Variants in NEMF observed in about 807,000 individuals in gnomAD.
NEMF encodes the protein nuclear export mediator factor, also known as ribosome quality control complex subunit NEMF.
A neutral mutation model predicts 162.2 loss-of-function variants in NEMF; 89 were observed. That is an observed-to-expected ratio of 0.55 (90% confidence interval 0.46 to 0.65). NEMF has a LOEUF of 0.65. NEMF is among the 30% of genes least tolerant of loss of function. NEMF has a pLI of 0.00. For synonymous variants in NEMF, 421 were observed against 404.5 expected (o/e 1.04, Z -0.49); for missense variants, 1,133 against 1,261.9 (o/e 0.90, Z 1.55).
At chr14:49,812,579 A>G (rs559056997) in intron 18 of NEMF, among the ~76,000 whole-genome samples, 1 of 152,236 alleles carries the variant, frequency 6.6e-6, no homozygotes, top group Non-Finnish European at 1.5e-5. Context: ...TGCATCTCAT[A>G]AGTTTTGACA....
At chr14:49,796,169 A>G in intron 25 of NEMF, 1 of 576,534 alleles carries the variant, frequency 1.7e-6, no homozygotes, top group Non-Finnish European at 3.2e-6. Context: ...TCCATCATCC[A>G]AGCTCAACAT....
At chr14:49,814,520 T>C (rs115531541) in intron 17 of NEMF, among the ~76,000 whole-genome samples, 399 of 152,364 alleles carry the variant, frequency 2.6e-3, no homozygotes, top group African/African-American at 9.0e-3. Context: ...TAATGTAATG[T>C]ACTGAAAGTC....
Position 49,782,278 on chromosome 14 carries a change from C to G in NEMF, c.*2358G>C, listed in dbSNP as rs1889941209. On this transcript the variant is annotated 3_prime_UTR_variant, in exon 33 of 33. Transcript: ENST00000298310. ...GTTTTGGTCTGAACTACCTTAAGAT[C>G]GCTAGTCTTTATTTCATAGCTCTAT... 5 of 769,258 alleles carry G rather than the reference C, an allele frequency of 6.5e-6. No homozygotes were observed. Among genetic ancestry groups the G allele is most frequent in the South Asian group, 3.7e-5 (2 of 54,278 alleles). 47.7% of individuals were successfully genotyped at this position (769,258 alleles called of 1,614,324 possible). A position where few individuals can be genotyped will look rare whatever the true frequency, so the allele number is the denominator to read the frequency against.
Position 49,783,098 on chromosome 14 carries a change from A to AT in NEMF, c.*1537dup. 3.0e-6 allele frequency: 2 copies of AT among 663,330 alleles called. No homozygotes were observed. Among genetic ancestry groups the AT allele is most frequent in the South Asian group, 3.0e-5 (1 of 33,320 alleles). The allele number at this position is 663,330 out of a possible 1,614,324, so 41.1% of individuals were successfully genotyped here. On this transcript the variant is annotated 3_prime_UTR_variant, in exon 33 of 33. Coordinates refer to ENST00000298310, the MANE Select transcript of NEMF (RefSeq NM_004713.6). Reference sequence around the variant, plus strand: ...TGCATGTGAATGGCCTAGAGAACCTATTTTTGTGTCTAAAGTTTACAATAA... The same window carrying AT: ...TGCATGTGAATGGCCTAGAGAACCTATTTTTTGTGTCTAAAGTTTACAATAA...
chr14:49,803,370 TAAAGTC>T, intron 19 of NEMF, 76 bp from the exon 20 acceptor site: 1 of 1,043,232 alleles, frequency 9.6e-7, no homozygotes, highest in Non-Finnish European at 1.4e-6. Context: ...GAGGAGAAAG[TAAAGTC>T]AGAGTCAAGT....
chr14:49,819,290 C>T (rs930571657), intron 16 of NEMF, among the ~76,000 whole-genome samples: 1 of 151,956 alleles, frequency 6.6e-6, no homozygotes, highest in Non-Finnish European at 1.5e-5. Flanking sequence ...TCTTACCAGA[C>T]ACACAAAAAA....
chr14:49,845,752 A>G lies in NEMF; in HGVS notation c.357+388T>C, dbSNP rs181083399. On this transcript the variant is annotated intron_variant, in intron 4 of 32. Coordinates refer to ENST00000298310, the MANE Select transcript of NEMF (RefSeq NM_004713.6). The stretch of plus-strand genomic sequence containing the variant: ...GTAAGAATTTATTAGATCCATTACA[A>G]TGTTACAGGACCAACGTTTATATGC... 4.6e-3 allele frequency among the ~76,000 whole-genome samples: 700 copies of G among 152,350 alleles called. 4 individuals are homozygous for G. Among genetic ancestry groups the G allele is most frequent in the Admixed American group, 9.5e-3 (145 of 15,288 alleles).
In NEMF at chr14:49,834,451, T is replaced by C; in HGVS notation, c.575-2A>G. The C allele has an allele frequency of 6.4e-7, 1 of 1,563,528 alleles. No homozygotes were observed. The highest frequency in any genetic ancestry group is 8.8e-7 in the Non-Finnish European group (1 of 1,134,944). The stretch of plus-strand genomic sequence containing the variant: ...GTTCAATGAGAGCTGGTCCATAGGC[T>C]ATAAATGCAGAGGATATTACTTTTA... On this transcript the variant is annotated splice_acceptor_variant, in intron 6 of 32. Transcript: ENST00000298310. LOFTEE classifies it high-confidence loss of function.
In NEMF at chr14:49,831,376, AAAC is replaced by A. The variant is rs781506588; in HGVS notation, c.883-18_883-16del. 2.1e-5 allele frequency: 32 copies of A among 1,541,502 alleles called. No homozygotes were observed. In the African/African-American group the frequency reaches 3.1e-4, roughly 15 times the overall value. ...TCATCCACCGCCTTATTAAAAAAAC[AAAC>A]AACTAGTTGGAAAAAAAAGCACAGT... On this transcript the variant is annotated splice_polypyrimidine_tract_variant and intron_variant, in intron 10 of 32. Transcript: ENST00000298310.
intron 4 of NEMF, among the ~76,000 whole-genome samples, chr14:49,845,217 C>T (rs1893439390): frequency 6.6e-6 from 1 of 152,034 alleles, no homozygotes; most frequent in African/African-American, 2.4e-5. Flanking sequence ...CTCAGCCTCC[C>T]GAGTAGCTGG....
intron 28 of NEMF, 48 bp downstream of exon 28, chr14:49,789,098 T>C (rs375735914): frequency 6.7e-7 from 1 of 1,485,236 alleles, no homozygotes; most frequent in African/African-American, 1.4e-5. Context: ...AACTCCAGGA[T>C]GGGTAATCAC....
intron 8 of NEMF, among the ~76,000 whole-genome samples, chr14:49,833,142 T>G (rs183429841): frequency 6.6e-6 from 1 of 152,076 alleles, no homozygotes. Flanking sequence ...GGCACGTGCC[T>G]GTAGTCCCAG....
At chr14:49,841,345 A>C (rs8012644) in intron 4 of NEMF, among the ~76,000 whole-genome samples, 147,384 of 152,036 alleles carry the variant, frequency 0.97, 71,623 homozygotes, top group East Asian at 1. Context: ...GAGGCCGAGG[A>C]AGGAGGATCA....
At chr14:49,817,579 CAATT>C (rs1442619407) in intron 16 of NEMF, among the ~76,000 whole-genome samples, 6 of 151,790 alleles carry the variant, frequency 4.0e-5, no homozygotes, top group African/African-American at 1.2e-4. Context: ...ATAAAAGACT[CAATT>C]AATTAGGAAG....
At chr14:49,839,477 G>A (rs1893085321) in intron 5 of NEMF, 1 of 152,252 alleles carries the variant, frequency 6.6e-6, no homozygotes, top group Non-Finnish European at 1.5e-5. Flanking sequence ...AGGAACCACT[G>A]CTATAGAATA....
In NEMF at chr14:49,803,219, T is replaced by C; in HGVS notation, c.1915+18A>G. Reference sequence around the variant, plus strand: ...TCCATTGACAAGTCTAGTGATATTTTTCCTGTCAAGACATTACCTCTTATC... The same window carrying C: ...TCCATTGACAAGTCTAGTGATATTTCTCCTGTCAAGACATTACCTCTTATC... On this transcript the variant is annotated intron_variant, in intron 20 of 32. Coordinates refer to ENST00000298310, the MANE Select transcript of NEMF (RefSeq NM_004713.6). 1 of 1,575,104 alleles carries C rather than the reference T, an allele frequency of 6.3e-7. No homozygotes were observed. The highest frequency in any genetic ancestry group is 8.7e-7 in the Non-Finnish European group (1 of 1,145,276).
intron 18 of NEMF, among the ~76,000 whole-genome samples, chr14:49,811,221 T>G (rs532820047): frequency 1.3e-5 from 2 of 152,362 alleles, no homozygotes; most frequent in Non-Finnish European, 2.9e-5. Flanking sequence ...AATTATAAAT[T>G]GAATTGTTTT....
In NEMF at chr14:49,833,408, T is replaced by C. The variant is rs1219621778; in HGVS notation, c.735+15A>G. On this transcript the variant is annotated intron_variant, in intron 8 of 32. Coordinates refer to ENST00000298310, the MANE Select transcript of NEMF (RefSeq NM_004713.6). ...ATAAATCACAACAATATATAGTAAG[T>C]ATACATGGTGCTACCTTCCCACTGA... 1 of 1,511,434 alleles carries C rather than the reference T, an allele frequency of 6.6e-7. No individual in the cohort carries two copies. Among genetic ancestry groups the C allele is most frequent in the African/African-American group, 1.4e-5 (1 of 72,774 alleles). 93.6% of individuals were successfully genotyped at this position (1,511,434 alleles called of 1,614,324 possible).
rs189289151 is a variant in NEMF at position 49,832,287 on chromosome 14, T to C, written c.736-10A>G. 2.9e-4 allele frequency: 443 copies of C among 1,537,060 alleles called. No homozygotes were observed. Among genetic ancestry groups the C allele is most frequent in the Non-Finnish European group, 3.8e-4 (430 of 1,122,376 alleles). ...TCTGAATGATATATCCCTACAAAAA[T>C]GCAACATTAAAATCATTCCTATTCA... On this transcript the variant is annotated splice_polypyrimidine_tract_variant and intron_variant, in intron 8 of 32. Transcript: ENST00000298310.
Sources: allele counts gnomAD v4.1 joint callset (sites outside exome capture counted in the v4.1 genomes callset), GRCh38; gene constraint gnomAD v4.1.1; transcripts MANE v1.5; gene names NCBI Gene and HGNC (gene_info 2026-07-23, HGNC 2026-07-21).